Variants in EPM2A observed in about 807,000 individuals in gnomAD.
The protein encoded by EPM2A is laforin.
Under a neutral mutation model 26.5 loss-of-function variants are expected in EPM2A, and 21 were observed. That is an observed-to-expected ratio of 0.79 (90% CI 0.56 to 1.14). The LOEUF (loss-of-function observed/expected upper bound fraction) is 1.14, where lower values mean the gene tolerates loss of function less well. EPM2A is among the 50% of genes most tolerant of loss of function. EPM2A has a pLI of 0.00. For synonymous variants in EPM2A, 217 were observed against 177.6 expected, an observed-to-expected ratio of 1.22 and a Z score of -1.76; for missense variants, 458 against 440.8, an observed-to-expected ratio of 1.04 and a Z score of -0.35.
At chr6:145,507,739 G>C (rs1261371703) in intron 2 of EPM2A, among the ~76,000 whole-genome samples, 1 of 152,220 alleles carries the variant, frequency 6.6e-6, no homozygotes, top group East Asian at 1.9e-4. Flanking sequence ...ATTGAGTGGT[G>C]AGTATGGAGA....
chr6:145,608,230 G>A (rs757926337), intron 2 of EPM2A, among the ~76,000 whole-genome samples: 4 of 151,952 alleles, frequency 2.6e-5, no homozygotes, highest in Admixed American at 6.6e-5. Context: ...TTAATCTCTT[G>A]TTGTGCCTAA....
intron 4 of EPM2A, among the ~76,000 whole-genome samples, chr6:145,436,639 C>T (rs1019780764): frequency 9.9e-5 from 15 of 151,928 alleles, no homozygotes; most frequent in African/African-American, 3.4e-4. Flanking sequence ...GGTATATTTT[C>T]TATGGAGAAC....
At chr6:145,701,273 A>G (rs1781896364) in intron 1 of EPM2A, among the ~76,000 whole-genome samples, 1 of 152,210 alleles carries the variant, frequency 6.6e-6, no homozygotes, top group Non-Finnish European at 1.5e-5. Flanking sequence ...ACAAATATTA[A>G]TATAAGACTC....
chr6:145,657,193 G>A (rs1256073777), intron 2 of EPM2A, among the ~76,000 whole-genome samples: 3 of 150,734 alleles, frequency 2.0e-5, no homozygotes, highest in Non-Finnish European at 4.4e-5. Context: ...GGGTTCAAGT[G>A]ATTCTTCTGC....
chr6:145,554,208 G>A (rs1489539008), intron 2 of EPM2A, among the ~76,000 whole-genome samples: 1 of 151,924 alleles, frequency 6.6e-6, no homozygotes, highest in African/African-American at 2.4e-5. Context: ...TGGAAGTACA[G>A]AATGACACTT....
chr6:145,412,268 A>G (rs1177149875), intron 4 of EPM2A, among the ~76,000 whole-genome samples: 2 of 152,010 alleles, frequency 1.3e-5, no homozygotes, highest in African/African-American at 4.8e-5. Flanking sequence ...GCATACATAC[A>G]CATTTAGATT....
At chr6:145,635,711 TG>T (rs1776615484) in intron 2 of EPM2A, 9 of 529,392 alleles carry the variant, frequency 1.7e-5, no homozygotes, top group Non-Finnish European at 2.7e-5. Context: ...CGCCAGGAAA[TG>T]GACATTTGCA....
At chr6:145,431,262 A>G (rs898174708) in intron 4 of EPM2A, among the ~76,000 whole-genome samples, 1 of 152,252 alleles carries the variant, frequency 6.6e-6, no homozygotes, top group Non-Finnish European at 1.5e-5. Context: ...AGAGAAATAC[A>G]GTTATTATAA....
chr6:145,647,608 C>T (rs1278241994), intron 2 of EPM2A, among the ~76,000 whole-genome samples: 1 of 152,082 alleles, frequency 6.6e-6, no homozygotes, highest in African/African-American at 2.4e-5. Context: ...TATCTTATTC[C>T]TTACAGTACC....
intron 1 of EPM2A, among the ~76,000 whole-genome samples, chr6:145,706,340 T>C (rs1218229486): frequency 1.3e-5 from 2 of 152,212 alleles, no homozygotes; most frequent in East Asian, 3.8e-4. Flanking sequence ...TTTATATATA[T>C]GTAAACCTGC....
intron 4 of EPM2A, among the ~76,000 whole-genome samples, chr6:145,465,874 A>C (rs1262701089): frequency 1.7e-4 from 26 of 152,076 alleles, no homozygotes; most frequent in Non-Finnish European, 3.8e-4. Context: ...CCTGAGAAAA[A>C]CAAGCAATGG....
At chr6:145,448,434 G>C (rs1235201690) in intron 4 of EPM2A, among the ~76,000 whole-genome samples, 1 of 152,094 alleles carries the variant, frequency 6.6e-6, no homozygotes, top group Non-Finnish European at 1.5e-5. Flanking sequence ...CAGCAAAAGA[G>C]ACATCAAAGG....
chr6:145,662,588 T>G (rs897508659), intron 2 of EPM2A, among the ~76,000 whole-genome samples: 1 of 152,146 alleles, frequency 6.6e-6, no homozygotes, highest in Non-Finnish European at 1.5e-5. Flanking sequence ...GAATACAGCA[T>G]GAGCAAGTAG....
chr6:145,725,941 T>C (rs188593019), intron 1 of EPM2A, among the ~76,000 whole-genome samples: 8 of 152,150 alleles, frequency 5.3e-5, no homozygotes, highest in Admixed American at 5.2e-4. Context: ...TATTTCTTTG[T>C]TTTGCCAGCT....
chr6:145,472,674 C>T (rs1243091145), intron 4 of EPM2A, among the ~76,000 whole-genome samples: 1 of 152,038 alleles, frequency 6.6e-6, no homozygotes, highest in African/African-American at 2.4e-5. Context: ...GTGAGGCTCC[C>T]CTGCCTTTGA....
rs2128562110 is a variant in EPM2A, at chr6:145,635,032, T to C, written c.718+213A>G. 5 of 530,994 alleles carry C rather than the reference T, an allele frequency of 9.4e-6. No homozygotes were observed. In the South Asian group the frequency reaches 1.2e-4, roughly 12 times the overall value. 32.9% of individuals were successfully genotyped at this position (530,994 alleles called of 1,614,324 possible). On this transcript the variant is annotated intron_variant, in intron 3 of 3. Transcript: ENST00000367519. The stretch of plus-strand genomic sequence containing the variant: ...TGCCGCATACCCAGTACATACACAA[T>C]AAATATGTGTTGAATGAATAAACAA...
intron 4 of EPM2A, among the ~76,000 whole-genome samples, chr6:145,429,968 G>T (rs112550817): frequency 0.016 from 2,462 of 152,186 alleles, 58 homozygotes; most frequent in African/African-American, 0.056. Context: ...AGGCTGAGGC[G>T]GGCAGATCAC....
chr6:145,535,339 T>C (rs1780416676), intron 2 of EPM2A, among the ~76,000 whole-genome samples: 1 of 152,252 alleles, frequency 6.6e-6, no homozygotes, highest in Admixed American at 6.5e-5. Context: ...GAAATCTTGC[T>C]TCTTCCAGGA....
At chr6:145,426,090 A>G (rs1778851052) in intron 4 of EPM2A, among the ~76,000 whole-genome samples, 1 of 152,240 alleles carries the variant, frequency 6.6e-6, no homozygotes, top group South Asian at 2.1e-4. Context: ...GTTATTTCCA[A>G]GCAGTTTCCA....
Sources: allele counts gnomAD v4.1 joint callset (sites outside exome capture counted in the v4.1 genomes callset), GRCh38; gene constraint gnomAD v4.1.1; transcripts MANE v1.5; gene names NCBI Gene and HGNC (gene_info 2026-07-23, HGNC 2026-07-21).